Variants in SDK1 observed in about 807,000 individuals in gnomAD.
The protein encoded by SDK1 is sidekick cell adhesion molecule 1.
Under a neutral mutation model 245.5 loss-of-function variants are expected in SDK1, and 157 were observed. The observed-to-expected ratio is 0.64, with a 90% CI of 0.56 to 0.73. The LOEUF (loss-of-function observed/expected upper bound fraction) is 0.73. Among genes scored for constraint, SDK1 ranks in the 30% least tolerant of loss-of-function variants. The pLI is 0.00. For missense variants in SDK1, 3,583 were observed against 3,002.3 expected, an observed-to-expected ratio of 1.19 and a Z score of -4.52; for synonymous variants, 1,647 against 1,278.5, an observed-to-expected ratio of 1.29 and a Z score of -6.15.
At chr7:3,734,064 C>G (rs920512323) in intron 4 of SDK1, among the ~76,000 whole-genome samples, 1 of 152,204 alleles carries the variant, frequency 6.6e-6, no homozygotes, top group African/African-American at 2.4e-5. Context: ...ACCCACAGCT[C>G]CTTTCCTTGC....
chr7:4,075,743 C>T (rs1411074479), intron 20 of SDK1, among the ~76,000 whole-genome samples: 2 of 151,960 alleles, frequency 1.3e-5, no homozygotes, highest in Non-Finnish European at 2.9e-5. Flanking sequence ...CAACCTCCGC[C>T]TCCCAGGTTC....
chr7:3,935,685 C>T (rs890956267), intron 5 of SDK1, among the ~76,000 whole-genome samples: 3 of 152,180 alleles, frequency 2.0e-5, no homozygotes, highest in Non-Finnish European at 4.4e-5. Flanking sequence ...AAGACCACCC[C>T]ACTCCCTTTA....
intron 1 of SDK1, among the ~76,000 whole-genome samples, chr7:3,455,094 T>C (rs1363605411): frequency 6.6e-6 from 1 of 152,176 alleles, no homozygotes; most frequent in Non-Finnish European, 1.5e-5. Flanking sequence ...TTGGATATCA[T>C]ATGATATCTG....
intron 9 of SDK1, among the ~76,000 whole-genome samples, chr7:3,966,462 G>A (rs1349479366): frequency 6.6e-6 from 1 of 152,060 alleles, no homozygotes; most frequent in African/African-American, 2.4e-5. Context: ...GCCATCAGGA[G>A]CTCCTCCTGT....
intron 14 of SDK1, among the ~76,000 whole-genome samples, chr7:3,988,509 A>G (rs1784048496): frequency 6.6e-6 from 1 of 152,110 alleles, no homozygotes; most frequent in Non-Finnish European, 1.5e-5. Context: ...TGCGTGCAAT[A>G]TAGAAGCCAA....
At chr7:3,610,824 T>C (rs528774762) in intron 1 of SDK1, among the ~76,000 whole-genome samples, 3 of 152,256 alleles carry the variant, frequency 2.0e-5, no homozygotes, top group Non-Finnish European at 4.4e-5. Context: ...CAGTGCTGTT[T>C]AATGGAAATC....
intron 4 of SDK1, among the ~76,000 whole-genome samples, chr7:3,664,674 A>G (rs555410465): frequency 2.6e-4 from 39 of 150,624 alleles, no homozygotes; most frequent in Admixed American, 4.7e-4. Flanking sequence ...CAGGAGGCAG[A>G]GGTTGCAGTG....
At chr7:3,625,940 TTC>T (rs1420250286) in intron 2 of SDK1, among the ~76,000 whole-genome samples, 9 of 103,114 alleles carry the variant, frequency 8.7e-5, no homozygotes, top group East Asian at 2.3e-4. Flanking sequence ...TTTCTTTTCT[TTC>T]TTTTTTTTTT....
At chr7:3,419,847 A>T (rs777533669) in intron 1 of SDK1, among the ~76,000 whole-genome samples, 1 of 152,240 alleles carries the variant, frequency 6.6e-6, no homozygotes, top group African/African-American at 2.4e-5. Flanking sequence ...ATGGCCTGGT[A>T]TTAATCCCTG....
At chr7:3,588,115 C>T (rs1407619558) in intron 1 of SDK1, among the ~76,000 whole-genome samples, 1 of 152,132 alleles carries the variant, frequency 6.6e-6, no homozygotes, top group East Asian at 1.9e-4. Context: ...TTCTGCCATT[C>T]TCGTTTTACA....
At chr7:3,608,697 T>C (rs1028616369) in intron 1 of SDK1, among the ~76,000 whole-genome samples, 2 of 152,124 alleles carry the variant, frequency 1.3e-5, no homozygotes, top group African/African-American at 4.8e-5. Context: ...AGGAAAGACA[T>C]GTGTATGGAT....
Position 4,251,486 on chromosome 7 carries a change from A to G in SDK1, c.6381+5681A>G, listed in dbSNP as rs553716532. Among the ~76,000 whole-genome samples the G allele has an allele frequency of 8.5e-5, 13 of 152,338 alleles. No homozygotes were observed. In the East Asian group the frequency reaches 2.3e-3, roughly 27 times the overall value. ...AATTGTTGTCTACCACGGCTTTACC[A>G]TAGCCTTGCACTTATAGCAAACTGC... On this transcript the variant is annotated intron_variant, in intron 44 of 44. Transcript: ENST00000404826.
chr7:3,342,042 G>A (rs1780361961), intron 1 of SDK1, among the ~76,000 whole-genome samples: 1 of 152,128 alleles, frequency 6.6e-6, no homozygotes, highest in African/African-American at 2.4e-5. Flanking sequence ...TATAGTGATA[G>A]TAATCAAGAT....
At chr7:3,383,664 C>G (rs1227935023) in intron 1 of SDK1, among the ~76,000 whole-genome samples, 2 of 152,072 alleles carry the variant, frequency 1.3e-5, no homozygotes, top group Non-Finnish European at 2.9e-5. Flanking sequence ...GAGGCATGGA[C>G]AATTAATTAC....
chr7:4,107,082 T>C (rs1782972265), intron 22 of SDK1, among the ~76,000 whole-genome samples: 2 of 141,404 alleles, frequency 1.4e-5, no homozygotes, highest in South Asian at 4.7e-4. Flanking sequence ...CTTGTTTATT[T>C]CTCCCTCAGG....
rs550054375 is a variant in SDK1 at position 3,792,087 on chromosome 7, C to T, written c.714-29363C>T. On this transcript the variant is annotated intron_variant, in intron 4 of 44. Coordinates refer to ENST00000404826, the MANE Select transcript of SDK1 (RefSeq NM_152744.4). ...AGGCTGCAGTGAGTTATGAGTGCACCACTGCACTCCCGCCTGGGCAACAGG... is the reference window on the plus strand; with the variant it reads ...AGGCTGCAGTGAGTTATGAGTGCACTACTGCACTCCCGCCTGGGCAACAGG... Among the ~76,000 whole-genome samples, 8 of 152,080 alleles carry T rather than the reference C, an allele frequency of 5.3e-5. No homozygotes were observed. In the South Asian group the frequency reaches 1.2e-3, roughly 24 times the overall value.
At chr7:3,348,228 G>C (rs1281548831) in intron 1 of SDK1, among the ~76,000 whole-genome samples, 2 of 152,130 alleles carry the variant, frequency 1.3e-5, no homozygotes, top group Non-Finnish European at 2.9e-5. Context: ...CTTGATAACT[G>C]TGTGATCCGA....
At chr7:3,373,430 G>T (rs551388757) in intron 1 of SDK1, among the ~76,000 whole-genome samples, 1 of 152,204 alleles carries the variant, frequency 6.6e-6, no homozygotes, top group Non-Finnish European at 1.5e-5. Flanking sequence ...CTCAATAGAT[G>T]TTAGGGAGGT....
chr7:3,993,251 G>A (rs973939003), intron 14 of SDK1, among the ~76,000 whole-genome samples: 1 of 152,202 alleles, frequency 6.6e-6, no homozygotes, highest in Non-Finnish European at 1.5e-5. Flanking sequence ...CTCAAACTGA[G>A]CCTCTGCGTG....
Sources: allele counts gnomAD v4.1 joint callset (sites outside exome capture counted in the v4.1 genomes callset), GRCh38; gene constraint gnomAD v4.1.1; transcripts MANE v1.5; gene names NCBI Gene and HGNC (gene_info 2026-07-23, HGNC 2026-07-21).